ARHGAP15: variants seen among roughly 807,000 people sequenced by gnomAD.
The protein encoded by ARHGAP15 is Rho GTPase activating protein 15, also known as rho GTPase-activating protein 15.
A neutral mutation model predicts 63.7 loss-of-function variants in ARHGAP15; 51 were observed. The ratio of observed to expected loss-of-function variants is 0.80; its 90% confidence interval spans 0.64 to 1.01. The LOEUF is 1.01. ARHGAP15 is among the 50% of genes least tolerant of loss of function. ARHGAP15 has a pLI of 0.00. For synonymous variants in ARHGAP15, 191 were observed against 193.8 expected (o/e 0.99, Z 0.12); for missense variants, 560 against 564.6 (o/e 0.99, Z 0.08).
chr2:143,316,549 A>G (rs923819995), intron 6 of ARHGAP15, among the ~76,000 whole-genome samples: 3 of 145,142 alleles, frequency 2.1e-5, no homozygotes, highest in Admixed American at 7.1e-5. Flanking sequence ...ATATTAAAAT[A>G]TATGTTATAT....
rs562294131 is a variant in ARHGAP15 at position 143,221,512 on chromosome 2, T to C, written c.296+5067T>C. On this transcript the variant is annotated intron_variant, in intron 4 of 13. Transcript: ENST00000295095. ...TGAAACTATGCCTTAGCTTATCTGA[T>C]GAACCATAGGAATTTCTTCATTTGG... Among the ~76,000 whole-genome samples, 3 of 152,366 alleles carry C rather than the reference T, an allele frequency of 2.0e-5. No individual in the cohort carries two copies. The South Asian group carries it at 6.2e-4, about 32-fold the overall frequency.
At chr2:143,384,351 T>C (rs1465036467) in intron 6 of ARHGAP15, among the ~76,000 whole-genome samples, 1 of 152,138 alleles carries the variant, frequency 6.6e-6, no homozygotes, top group African/African-American at 2.4e-5. Context: ...GCAAATTAAA[T>C]ACGTTAGAAA....
intron 9 of ARHGAP15, among the ~76,000 whole-genome samples, chr2:143,509,222 G>C (rs1328044512): frequency 6.6e-6 from 1 of 151,958 alleles, no homozygotes; most frequent in Non-Finnish European, 1.5e-5. Context: ...ATAAACATGT[G>C]GGGGAAAACT....
At chr2:143,261,589 T>C (rs1680727955) in intron 6 of ARHGAP15, among the ~76,000 whole-genome samples, 1 of 151,842 alleles carries the variant, frequency 6.6e-6, no homozygotes, top group Non-Finnish European at 1.5e-5. Flanking sequence ...TCTCAGGTGA[T>C]TACCAGCCTT....
chr2:143,592,691 C>G lies in ARHGAP15; in HGVS notation c.1004-31442C>G, dbSNP rs569551957. Among the ~76,000 whole-genome samples the G allele has an allele frequency of 1.4e-4, 22 of 152,318 alleles. No homozygotes were observed. The East Asian group carries it at 4.2e-3, about 29-fold the overall frequency. On this transcript the variant is annotated intron_variant, in intron 11 of 13. Transcript: ENST00000295095. ...TATGCCAAGAAGAGAAGACTTAACT[C>G]TTTAAACACAAGGGGCCCTTGGACA...
At chr2:143,320,108 G>T (rs982389378) in intron 6 of ARHGAP15, among the ~76,000 whole-genome samples, 25 of 152,112 alleles carry the variant, frequency 1.6e-4, no homozygotes, top group African/African-American at 6.0e-4. Flanking sequence ...CCCAGTTCTT[G>T]GTAGGTAGAG....
intron 12 of ARHGAP15, chr2:143,676,289 T>G (rs1682822625): frequency 6.6e-6 from 1 of 152,282 alleles, no homozygotes; most frequent in Admixed American, 6.5e-5. Context: ...GAAGTCTGTT[T>G]TGCTTTCTTA....
At chr2:143,545,277 G>A (rs1308543736) in intron 10 of ARHGAP15, among the ~76,000 whole-genome samples, 1 of 152,092 alleles carries the variant, frequency 6.6e-6, no homozygotes, top group Admixed American at 6.5e-5. Flanking sequence ...TGAATTGGAG[G>A]CACCTCCCCA....
At chr2:143,490,487 C>A (rs1008467250) in intron 9 of ARHGAP15, among the ~76,000 whole-genome samples, 1 of 152,254 alleles carries the variant, frequency 6.6e-6, no homozygotes, top group Admixed American at 6.5e-5. Flanking sequence ...AGAGATTTAC[C>A]CCAATATCAC....
intron 11 of ARHGAP15, among the ~76,000 whole-genome samples, chr2:143,604,215 G>C (rs1697894643): frequency 6.6e-6 from 1 of 152,166 alleles, no homozygotes; most frequent in African/African-American, 2.4e-5. Flanking sequence ...TGTTTCTCTT[G>C]TTTTGGGTTC....
chr2:143,686,472 C>A (rs1683355696), intron 12 of ARHGAP15, among the ~76,000 whole-genome samples: 1 of 150,476 alleles, frequency 6.6e-6, no homozygotes, highest in East Asian at 2.0e-4. Flanking sequence ...CTAAGGAATC[C>A]CACTGTAATA....
At chr2:143,482,373 A>G (rs997434632) in intron 8 of ARHGAP15, among the ~76,000 whole-genome samples, 2 of 152,204 alleles carry the variant, frequency 1.3e-5, no homozygotes, top group African/African-American at 4.8e-5. Flanking sequence ...TCTATTTTTC[A>G]TAAATGATGG....
At chr2:143,178,313 A>G (rs1490214729) in intron 2 of ARHGAP15, among the ~76,000 whole-genome samples, 2 of 152,214 alleles carry the variant, frequency 1.3e-5, no homozygotes, top group African/African-American at 2.4e-5. Flanking sequence ...GAGAAATACA[A>G]AAGTATTCAA....
intron 12 of ARHGAP15, among the ~76,000 whole-genome samples, chr2:143,676,877 A>T (rs1273136572): frequency 6.6e-6 from 1 of 151,648 alleles, no homozygotes; most frequent in Non-Finnish European, 1.5e-5. Flanking sequence ...CTTCAATTTG[A>T]AAAACAAACA....
chr2:143,566,940 A>T (rs1250838543), intron 11 of ARHGAP15, among the ~76,000 whole-genome samples: 1 of 150,336 alleles, frequency 6.7e-6, no homozygotes, highest in Non-Finnish European at 1.5e-5. Context: ...CAGTGCCACG[A>T]TCTCGGTTCA....
At chr2:143,363,984 T>G (rs530282286) in intron 6 of ARHGAP15, among the ~76,000 whole-genome samples, 2 of 152,306 alleles carry the variant, frequency 1.3e-5, no homozygotes, top group African/African-American at 2.4e-5. Context: ...GTTACATGTC[T>G]TCTTCTCAAA....
intron 11 of ARHGAP15, among the ~76,000 whole-genome samples, chr2:143,581,893 GGGGAGGGTAAA>G (rs1001588069): frequency 3.2e-4 from 48 of 152,228 alleles, no homozygotes; most frequent in African/African-American, 1.1e-3. Flanking sequence ...TTTCATTGGT[GGGGAGGGTAAA>G]GGGAGGAAGG....
At chr2:143,563,430 C>T (rs972909029) in intron 11 of ARHGAP15, among the ~76,000 whole-genome samples, 1 of 152,172 alleles carries the variant, frequency 6.6e-6, no homozygotes, top group Admixed American at 6.5e-5. Context: ...TGTTTGAAAT[C>T]ATTACTAGCC....
intron 6 of ARHGAP15, among the ~76,000 whole-genome samples, chr2:143,279,877 G>A (rs182950561): frequency 1.3e-5 from 2 of 152,272 alleles, no homozygotes; most frequent in East Asian, 3.9e-4. Flanking sequence ...CAGTGGTGCA[G>A]CAGCTCATTA....
Sources: gnomAD v4.1 joint callset for allele counts (sites outside exome capture counted in the v4.1 genomes callset) on GRCh38, gnomAD v4.1.1 for gene constraint, MANE v1.5 for transcripts, NCBI Gene and HGNC (gene_info 2026-07-23, HGNC 2026-07-21) for gene names.